TGM7: variants seen among roughly 807,000 people sequenced by gnomAD.
TGM7 encodes the protein transglutaminase 7.
A neutral mutation model predicts 79.5 loss-of-function variants in TGM7; 74 were observed. The ratio of observed to expected loss-of-function variants is 0.93; its 90% CI spans 0.77 to 1.13. The LOEUF (loss-of-function observed/expected upper bound fraction) is 1.13. Among genes scored for constraint, TGM7 ranks in the 50% most tolerant of loss-of-function variants. TGM7 has a pLI of 0.00. For missense variants in TGM7, 912 were observed against 905.9 expected (o/e 1.01, Z -0.09); for synonymous variants, 354 against 362.5 (o/e 0.98, Z 0.27).
At chr15:43,296,675 G>A (rs2042993953) in intron 1 of TGM7, among the ~76,000 whole-genome samples, 1 of 152,088 alleles carries the variant, frequency 6.6e-6, no homozygotes, top group African/African-American at 2.4e-5. Context: ...TCAAAGCATA[G>A]TTCCTAGGGA....
intron 7 of TGM7, among the ~76,000 whole-genome samples, chr15:43,284,177 C>A (rs1001773116): frequency 6.6e-6 from 1 of 152,114 alleles, no homozygotes; most frequent in African/African-American, 2.4e-5. Flanking sequence ...CCAGCCTGGG[C>A]AACAGAGCGA....
chr15:43,300,412 T>G (rs1210965529), intron 1 of TGM7, among the ~76,000 whole-genome samples: 1 of 152,252 alleles, frequency 6.6e-6, no homozygotes, highest in Non-Finnish European at 1.5e-5. Flanking sequence ...AGTTTGACTC[T>G]AGAACCTAGT....
intron 4 of TGM7, among the ~76,000 whole-genome samples, chr15:43,291,667 AGACTCAT>A (rs2042963958): frequency 1.3e-5 from 2 of 152,264 alleles, no homozygotes; most frequent in African/African-American, 4.8e-5. Flanking sequence ...TTGATGAAAC[AGACTCAT>A]GATACATTGA....
intron 1 of TGM7, among the ~76,000 whole-genome samples, chr15:43,294,279 A>G (rs916832812): frequency 2.0e-5 from 3 of 152,156 alleles, no homozygotes; most frequent in African/African-American, 7.2e-5. Context: ...TTCCAGGTCT[A>G]TGAGGAGGGC....
At chr15:43,294,903 C>T (rs1465044276) in intron 1 of TGM7, among the ~76,000 whole-genome samples, 2 of 144,444 alleles carry the variant, frequency 1.4e-5, no homozygotes, top group African/African-American at 5.0e-5. Flanking sequence ...TATCTTGATC[C>T]TTTTTTTTTT....
At chr15:43,292,196 G>A (rs1015453189) in intron 3 of TGM7, 99 bp from the exon 4 acceptor site, 8 of 805,456 alleles carry the variant, frequency 9.9e-6, no homozygotes, top group Admixed American at 2.0e-5. Context: ...TGGAAAACAG[G>A]AGGAACAGTC....
chr15:43,282,146 G>A, intron 8 of TGM7, 60 bp from the exon 9 acceptor site: 1 of 1,594,974 alleles, frequency 6.3e-7, no homozygotes, highest in Admixed American at 1.7e-5. Flanking sequence ...GGCTGTGGGA[G>A]GTGGAGATGG....
At chr15:43,288,830 T>C (rs972050014) in intron 4 of TGM7, among the ~76,000 whole-genome samples, 1 of 152,074 alleles carries the variant, frequency 6.6e-6, no homozygotes, top group African/African-American at 2.4e-5. Flanking sequence ...CTCAGGAAGC[T>C]GAGGTGGGAG....
At chr15:43,301,569 G>T (rs2043025321) in intron 1 of TGM7, among the ~76,000 whole-genome samples, 1 of 150,882 alleles carries the variant, frequency 6.6e-6, no homozygotes, top group African/African-American at 2.4e-5. Flanking sequence ...GGCAGAGGAT[G>T]CAGTGAGCCG....
At position 43,302,255 on chromosome 15, in the gene TGM7, C is replaced by G. The variant is rs749744707; in HGVS notation, c.-5G>C. On this transcript the variant is annotated 5_prime_UTR_variant, in exon 1 of 13. Coordinates refer to ENST00000452443, the MANE Select transcript of TGM7 (RefSeq NM_052955.3). ...CCAGTACTCACCCTGATCCATCTCCCTCCTTCTCCTGTCGGTCAAGGCCCT... is the reference window on the plus strand; with the variant it reads ...CCAGTACTCACCCTGATCCATCTCCGTCCTTCTCCTGTCGGTCAAGGCCCT... 6 of 1,614,060 alleles carry G rather than the reference C, an allele frequency of 3.7e-6. No individual in the cohort carries two copies. The highest frequency in any genetic ancestry group is 4.2e-6 in the Non-Finnish European group (5 of 1,180,036).
chr15:43,281,771 T>A (rs2042909933), intron 9 of TGM7, 73 bp downstream of exon 9: 1 of 1,577,300 alleles, frequency 6.3e-7, no homozygotes, highest in Non-Finnish European at 8.6e-7. Context: ...TGGTTTCAAC[T>A]TGGAGCCATC....
chr15:43,277,781 G>C (rs1442830591), intron 11 of TGM7, among the ~76,000 whole-genome samples: 1 of 152,186 alleles, frequency 6.6e-6, no homozygotes, highest in Non-Finnish European at 1.5e-5. Context: ...CTAGGGGCTT[G>C]TTCTGGCTGG....
chr15:43,295,315 G>A (rs189946215), intron 1 of TGM7, among the ~76,000 whole-genome samples: 1 of 152,358 alleles, frequency 6.6e-6, no homozygotes, highest in East Asian at 1.9e-4. Flanking sequence ...TTGGGGCTGG[G>A]CACCATGGCT....
chr15:43,281,779 A>C (rs1446920171), intron 9 of TGM7, 65 bp downstream of exon 9: 1 of 1,584,858 alleles, frequency 6.3e-7, no homozygotes, highest in Non-Finnish European at 8.6e-7. Context: ...ACTTGGAGCC[A>C]TCCCAGCTAG....
Position 43,296,164 on chromosome 15 carries a change from G to T in TGM7, c.11-2533C>A, listed in dbSNP as rs566609109. 8.5e-5 allele frequency among the ~76,000 whole-genome samples: 13 copies of T among 152,284 alleles called. No homozygotes were observed. In the East Asian group the frequency reaches 2.5e-3, roughly 29 times the overall value. On this transcript the variant is annotated intron_variant, in intron 1 of 12. Transcript: ENST00000452443. ...AAAGCAGCCGGGTGAGGTGGCTCAC[G>T]CCTGTAATCCCAGCACTTTGGGAGG...
rs2042970203 is a variant in TGM7 at position 43,292,804 on chromosome 15, T to C, written c.344A>G (p.His115Arg). 1.2e-6 allele frequency: 2 copies of C among 1,614,168 alleles called. No homozygotes were observed. Among genetic ancestry groups the C allele is most frequent in the Middle Eastern group, 3.3e-4 (2 of 6,062 alleles). ...LFTPANAVIGHYTLKIEISQG... is the reference protein window; with the variant it reads ...LFTPANAVIGRYTLKIEISQG... The stretch of plus-strand genomic sequence containing the variant: ...AGAGATCTCTATTTTCAGAGTGTAA[T>C]GGCCAATAACTGCATTGGCTGGTGT... The change falls in exon 3 of 13, where the codon CAT (histidine) becomes CGT (arginine). Residue 115 changes from histidine to arginine, a missense_variant. By Grantham distance (29) the His-to-Arg change is conservative (BLOSUM62 0). Coordinates refer to ENST00000452443, the MANE Select transcript of TGM7 (RefSeq NM_052955.3).
chr15:43,279,370 C>T lies in TGM7; in HGVS notation c.1679-93G>A, dbSNP rs138093437. The stretch of plus-strand genomic sequence containing the variant: ...GAGAGAGGAAAAATTAGAATTTTCA[C>T]GTGAGAGGTAAAAGTGTGTGTGAGA... On this transcript the variant is annotated intron_variant, in intron 10 of 12. Coordinates refer to ENST00000452443, the MANE Select transcript of TGM7 (RefSeq NM_052955.3). The T allele has an allele frequency of 1.7e-3, 2,371 of 1,401,622 alleles. 5 individuals are homozygous for T. The highest frequency in any genetic ancestry group is 2.2e-3 in the Non-Finnish European group (2,233 of 1,022,738). 86.8% of individuals were successfully genotyped at this position (1,401,622 alleles called of 1,614,324 possible).
chr15:43,279,517 G>T, intron 10 of TGM7, 108 bp downstream of exon 10: 1 of 1,366,750 alleles, frequency 7.3e-7, no homozygotes, highest in Non-Finnish European at 9.9e-7. Context: ...ATGTGTGTGT[G>T]TTGGAGGAAG....
At chr15:43,293,395 T>C (rs1325300638) in intron 2 of TGM7, 54 bp downstream of exon 2, 1 of 1,534,042 alleles carries the variant, frequency 6.5e-7, no homozygotes, top group Non-Finnish European at 8.8e-7. Flanking sequence ...GCAGACTCTG[T>C]AAATGCCCTC....
Sources: allele counts gnomAD v4.1 joint callset (sites outside exome capture counted in the v4.1 genomes callset), GRCh38; gene constraint gnomAD v4.1.1; transcripts MANE v1.5; gene names NCBI Gene and HGNC (gene_info 2026-07-23, HGNC 2026-07-21).